Variants in DNAH8 observed in about 807,000 individuals in gnomAD.
DNAH8 encodes the protein dynein axonemal heavy chain 8, also known as axonemal beta dynein heavy chain 8.
DNAH8 carries 382 observed loss-of-function variants against 562.1 expected under a neutral mutation model. The observed-to-expected ratio is 0.68, with a 90% CI of 0.63 to 0.74. DNAH8 has a LOEUF of 0.74. DNAH8 is among the 30% of genes least tolerant of loss of function. The pLI, the probability that DNAH8 is intolerant of heterozygous loss-of-function variation, is 0.00. For synonymous variants in DNAH8, 1,881 were observed against 1,919.4 expected (o/e 0.98, Z 0.52); for missense variants, 5,203 against 5,620.4 (o/e 0.93, Z 2.37).
chr6:38,832,293 C>G lies in DNAH8; in HGVS notation c.4189-29C>G, dbSNP rs762963455. 4 of 1,421,690 alleles carry G rather than the reference C, an allele frequency of 2.8e-6. No homozygotes were observed. In the African/African-American group the frequency reaches 5.7e-5, roughly 20 times the overall value. The allele number at this position is 1,421,690 out of a possible 1,614,324, so 88.1% of individuals were successfully genotyped here. A position where few individuals can be genotyped will look rare whatever the true frequency, so the allele number is the denominator to read the frequency against. On this transcript the variant is annotated intron_variant, in intron 30 of 92. Coordinates refer to ENST00000327475, the MANE Select transcript of DNAH8 (RefSeq NM_001206927.2). Reference sequence around the variant, plus strand: ...TTGTTTTTAATATGTTACTTTCACTCTCAGGTTGAATATTCTTTTTTATTG... The same window carrying G: ...TTGTTTTTAATATGTTACTTTCACTGTCAGGTTGAATATTCTTTTTTATTG...
intron 11 of DNAH8, among the ~76,000 whole-genome samples, chr6:38,769,979 G>C (rs1346568127): frequency 6.6e-6 from 1 of 152,076 alleles, no homozygotes; most frequent in Non-Finnish European, 1.5e-5. Flanking sequence ...CAAATATTAG[G>C]ATTTCAGCAA....
intron 38 of DNAH8, 67 bp from the exon 39 acceptor site, chr6:38,851,505 G>C (rs1297844138): frequency 2.2e-6 from 2 of 921,764 alleles, no homozygotes; most frequent in Non-Finnish European, 3.4e-6. Flanking sequence ...ATTATGTCTT[G>C]ACTAAAAAAA....
intron 89 of DNAH8, among the ~76,000 whole-genome samples, chr6:39,010,464 A>C (rs1170312715): frequency 6.6e-6 from 1 of 152,156 alleles, no homozygotes. Context: ...AGGCTGGAAC[A>C]ATAATTATAC....
chr6:38,787,552 T>G (rs1769285492), intron 18 of DNAH8, among the ~76,000 whole-genome samples: 1 of 151,628 alleles, frequency 6.6e-6, no homozygotes, highest in Non-Finnish European at 1.5e-5. Context: ...ATGACGAAAC[T>G]GGGTGTGGTG....
chr6:39,013,589 C>G (rs147550408), intron 91 of DNAH8, among the ~76,000 whole-genome samples: 3 of 152,146 alleles, frequency 2.0e-5, no homozygotes, highest in Non-Finnish European at 2.9e-5. Flanking sequence ...CGATGGCTCA[C>G]GCTTGTAATC....
chr6:38,823,725 C>T, intron 28 of DNAH8, 37 bp downstream of exon 28: 2 of 1,483,640 alleles, frequency 1.3e-6, no homozygotes, highest in South Asian at 1.2e-5. Context: ...AGTATCTGTA[C>T]TTTCACATGA....
intron 53 of DNAH8, among the ~76,000 whole-genome samples, chr6:38,880,377 G>A (rs1778380424): frequency 6.6e-6 from 1 of 151,850 alleles, no homozygotes; most frequent in African/African-American, 2.4e-5. Context: ...CCAAATAAGG[G>A]GACAGATCTT....
intron 52 of DNAH8, among the ~76,000 whole-genome samples, chr6:38,875,173 G>A (rs1383577924): frequency 6.6e-6 from 1 of 152,198 alleles, no homozygotes; most frequent in East Asian, 1.9e-4. Context: ...CCAGCCTCTA[G>A]GGCCACAGTT....
chr6:38,944,781 C>A lies in DNAH8; in HGVS notation c.12008-686C>A, dbSNP rs368284782. 2.4e-4 allele frequency among the ~76,000 whole-genome samples: 37 copies of A among 152,238 alleles called. No homozygotes were observed. The South Asian group carries it at 6.6e-3, about 27-fold the overall frequency. On this transcript the variant is annotated intron_variant, in intron 79 of 92. Transcript: ENST00000327475. The stretch of plus-strand genomic sequence containing the variant: ...CCAGTGTCTGGAACATGTCAAACAC[C>A]TGGAGGGCGCTCAATAAATATTTGT...
At chr6:38,799,348 C>T (rs1055805351) in intron 21 of DNAH8, among the ~76,000 whole-genome samples, 1 of 151,854 alleles carries the variant, frequency 6.6e-6, no homozygotes, top group East Asian at 1.9e-4. Context: ...GACCTTGTTC[C>T]GCCAGTTTTC....
At position 38,866,846 on chromosome 6, in the gene DNAH8, C is replaced by A; in HGVS notation, c.6663C>A (p.Tyr2221Ter). 1 of 1,612,068 alleles carries A rather than the reference C, an allele frequency of 6.2e-7. No individual in the cohort carries two copies. Among genetic ancestry groups the A allele is most frequent in the Non-Finnish European group, 8.5e-7 (1 of 1,178,644 alleles). Residue 2221 changes from tyrosine (Y) to a stop codon, truncating the protein, a stop_gained, in exon 47 of 93, where the codon TAC (tyrosine) becomes TAA (stop). Coordinates refer to ENST00000327475, the MANE Select transcript of DNAH8 (RefSeq NM_001206927.2). LOFTEE classifies it high-confidence loss of function. ...TGGCTCAAAAATTTTACGTTCTTTA[C>A]AAACTCTGTGAAGAGCAACTTACTA... ...VILAQKFYVL[Y>*]KLCEEQLTKQ... is the part of the protein sequence containing the mutation.
At chr6:38,935,441 A>C in intron 76 of DNAH8, 151 bp from the exon 77 acceptor site, 2 of 592,504 alleles carry the variant, frequency 3.4e-6, no homozygotes, top group Non-Finnish European at 5.8e-6. Context: ...ATATGGATAG[A>C]TAGATTTGGC....
chr6:38,801,233 G>T (rs1770751999), intron 21 of DNAH8, among the ~76,000 whole-genome samples: 1 of 152,106 alleles, frequency 6.6e-6, no homozygotes, highest in Non-Finnish European at 1.5e-5. Context: ...TTTGTATGGT[G>T]TAAGGAGAAG....
At chr6:39,006,858 C>T (rs1765828703) in intron 88 of DNAH8, among the ~76,000 whole-genome samples, 1 of 152,046 alleles carries the variant, frequency 6.6e-6, no homozygotes, top group African/African-American at 2.4e-5. Context: ...TCTAGTTTAC[C>T]CTTATACTGA....
At chr6:38,739,917 G>A (rs999780630) in intron 7 of DNAH8, among the ~76,000 whole-genome samples, 2 of 152,110 alleles carry the variant, frequency 1.3e-5, no homozygotes, top group African/African-American at 4.8e-5. Flanking sequence ...ATCTAATTTT[G>A]TGTTTTTCAT....
intron 21 of DNAH8, among the ~76,000 whole-genome samples, chr6:38,797,517 C>T (rs1476537267): frequency 6.6e-6 from 1 of 152,172 alleles, no homozygotes; most frequent in Non-Finnish European, 1.5e-5. Flanking sequence ...CTCTCCCTTT[C>T]CCCTCCCCTG....
At chr6:38,932,601 A>G (rs1782641519) in intron 76 of DNAH8, among the ~76,000 whole-genome samples, 1 of 152,230 alleles carries the variant, frequency 6.6e-6, no homozygotes, top group African/African-American at 2.4e-5. Context: ...AAAATATTTT[A>G]TGTATCTGCA....
intron 85 of DNAH8, among the ~76,000 whole-genome samples, chr6:38,980,500 T>C (rs1416252129): frequency 6.6e-6 from 1 of 152,162 alleles, no homozygotes; most frequent in Non-Finnish European, 1.5e-5. Flanking sequence ...TGGAAGATGG[T>C]TCTTCACAGC....
At chr6:38,862,593 C>T (rs746818046) in intron 44 of DNAH8, 135 bp downstream of exon 44, 15 of 1,053,974 alleles carry the variant, frequency 1.4e-5, no homozygotes, top group African/African-American at 4.8e-5. Flanking sequence ...TATGATATTG[C>T]CATTTTTCTA....
Sources: gnomAD v4.1 joint callset for allele counts (sites outside exome capture counted in the v4.1 genomes callset) on GRCh38, gnomAD v4.1.1 for gene constraint, MANE v1.5 for transcripts, NCBI Gene and HGNC (gene_info 2026-07-23, HGNC 2026-07-21) for gene names.